TBC1D22A: variants seen among roughly 807,000 people sequenced by gnomAD.
The protein encoded by TBC1D22A is TBC1 domain family member 22A.
A neutral mutation model predicts 60.2 loss-of-function variants in TBC1D22A; 38 were observed. That is an observed-to-expected ratio of 0.63 (90% CI 0.49 to 0.83). TBC1D22A has a LOEUF of 0.83. TBC1D22A is among the 40% of genes least tolerant of loss of function. The pLI is 0.00. For synonymous variants in TBC1D22A, 302 were observed against 281.7 expected (o/e 1.07, Z -0.72); for missense variants, 628 against 701.0 (o/e 0.90, Z 1.18).
intron 7 of TBC1D22A, among the ~76,000 whole-genome samples, chr22:46,904,326 T>G (rs1401429302): frequency 8.1e-6 from 1 of 122,778 alleles, no homozygotes; most frequent in Non-Finnish European, 1.5e-5. Flanking sequence ...TATAACAGGC[T>G]TTCAGTGATG....
In TBC1D22A at chr22:46,869,390, C is replaced by A. The variant is rs192175419; in HGVS notation, c.638-9263C>A. ...TCTTCTTGTTATTTGACAGTGAGCC[C>A]CTTGAGGGAAGGAACTGGGTTTAAT... On this transcript the variant is annotated intron_variant, in intron 4 of 12. Coordinates refer to ENST00000337137, the MANE Select transcript of TBC1D22A (RefSeq NM_014346.5). Among the ~76,000 whole-genome samples the A allele has an allele frequency of 2.8e-3, 433 of 152,290 alleles. 5 individuals carry two copies. The highest frequency in any genetic ancestry group is 0.01 in the African/African-American group (418 of 41,550).
intron 8 of TBC1D22A, among the ~76,000 whole-genome samples, chr22:46,966,209 C>A (rs1602704435): frequency 6.6e-6 from 1 of 152,314 alleles, no homozygotes; most frequent in East Asian, 1.9e-4. Context: ...GGTTGGAATG[C>A]CAGTGGCCCT....
At chr22:47,169,502 G>A (rs1182196962) in intron 12 of TBC1D22A, among the ~76,000 whole-genome samples, 1 of 152,130 alleles carries the variant, frequency 6.6e-6, no homozygotes, top group Non-Finnish European at 1.5e-5. Context: ...CCTGAGAACC[G>A]TCAACCTCCA....
At chr22:46,781,468 G>A (rs569573551) in intron 1 of TBC1D22A, among the ~76,000 whole-genome samples, 1 of 152,250 alleles carries the variant, frequency 6.6e-6, no homozygotes, top group South Asian at 2.1e-4. Flanking sequence ...GAGCCACCAC[G>A]CCCAACCCCA....
intron 4 of TBC1D22A, among the ~76,000 whole-genome samples, chr22:46,872,255 G>A (rs2067323982): frequency 6.6e-6 from 1 of 152,180 alleles, no homozygotes; most frequent in Non-Finnish European, 1.5e-5. Flanking sequence ...AGAAATAATA[G>A]CAATCTTCCA....
At chr22:46,917,650 G>A (rs933368054) in intron 8 of TBC1D22A, among the ~76,000 whole-genome samples, 11 of 152,138 alleles carry the variant, frequency 7.2e-5, no homozygotes, top group Admixed American at 5.9e-4. Context: ...GTTGGGATCC[G>A]GGCCTTGGCA....
chr22:46,942,766 C>G (rs1459607511), intron 8 of TBC1D22A, among the ~76,000 whole-genome samples: 1 of 152,158 alleles, frequency 6.6e-6, no homozygotes, highest in Non-Finnish European at 1.5e-5. Context: ...TATTACTTTG[C>G]TGTTCTAAAT....
chr22:47,128,991 C>T (rs2066591387), intron 12 of TBC1D22A, among the ~76,000 whole-genome samples: 1 of 152,144 alleles, frequency 6.6e-6, no homozygotes, highest in Non-Finnish European at 1.5e-5. Context: ...TAGCCGGGTG[C>T]ATGTCTACGA....
At chr22:47,146,991 T>C (rs1260916384) in intron 12 of TBC1D22A, among the ~76,000 whole-genome samples, 1 of 152,160 alleles carries the variant, frequency 6.6e-6, no homozygotes, top group Non-Finnish European at 1.5e-5. Context: ...GGCAGTTACA[T>C]GGAGATTGCA....
chr22:46,846,038 C>G (rs2086975858), intron 4 of TBC1D22A, among the ~76,000 whole-genome samples: 2 of 152,172 alleles, frequency 1.3e-5, no homozygotes, highest in Non-Finnish European at 2.9e-5. Context: ...AGATGAGATG[C>G]TTTTTAGACA....
At chr22:46,894,660 C>A in intron 6 of TBC1D22A, 124 bp from the exon 7 acceptor site, 2 of 1,151,466 alleles carry the variant, frequency 1.7e-6, no homozygotes, top group Non-Finnish European at 1.3e-6. Flanking sequence ...AACGAGAATC[C>A]TCAAGGAGAG....
At chr22:46,892,901 G>A (rs1003330424) in intron 6 of TBC1D22A, among the ~76,000 whole-genome samples, 58 of 152,372 alleles carry the variant, frequency 3.8e-4, no homozygotes, top group African/African-American at 1.4e-3. Flanking sequence ...AGACACGCCT[G>A]TGGCAACGCG....
intron 12 of TBC1D22A, among the ~76,000 whole-genome samples, chr22:47,169,812 A>G (rs2068360638): frequency 6.6e-6 from 1 of 152,208 alleles, no homozygotes; most frequent in Non-Finnish European, 1.5e-5. Context: ...AGATGTGGCC[A>G]TTAATTGTTT....
At chr22:46,811,225 C>A (rs2085364002) in intron 4 of TBC1D22A, among the ~76,000 whole-genome samples, 1 of 152,134 alleles carries the variant, frequency 6.6e-6, no homozygotes, top group South Asian at 2.1e-4. Context: ...TCAGGAAGAC[C>A]CATTGCATGG....
At chr22:47,079,772 C>T (rs980717937) in intron 11 of TBC1D22A, among the ~76,000 whole-genome samples, 3 of 152,154 alleles carry the variant, frequency 2.0e-5, no homozygotes, top group African/African-American at 7.2e-5. Flanking sequence ...AGTAGACTTA[C>T]ACTTAATCAT....
chr22:46,998,120 T>G (rs1741515613), intron 10 of TBC1D22A, among the ~76,000 whole-genome samples: 1 of 152,182 alleles, frequency 6.6e-6, no homozygotes, highest in South Asian at 2.1e-4. Context: ...AGTCTGGAAA[T>G]AACATCTTTA....
chr22:47,137,235 A>G (rs935100372), intron 12 of TBC1D22A, among the ~76,000 whole-genome samples: 4 of 152,156 alleles, frequency 2.6e-5, no homozygotes, highest in Admixed American at 2.6e-4. Context: ...GTTTTTTGAG[A>G]TAAAGCACAC....
At chr22:46,876,852 CT>C (rs547696825) in intron 4 of TBC1D22A, among the ~76,000 whole-genome samples, 71 of 152,342 alleles carry the variant, frequency 4.7e-4, no homozygotes, top group African/African-American at 1.5e-3. Flanking sequence ...AGCTGGGATT[CT>C]GCTAGAAAGA....
intron 4 of TBC1D22A, among the ~76,000 whole-genome samples, chr22:46,841,356 G>A (rs2086763113): frequency 1.3e-5 from 2 of 152,216 alleles, no homozygotes. Flanking sequence ...CACAGCAAGA[G>A]GGCCGTTGTC....
Sources: gnomAD v4.1 joint callset for allele counts (sites outside exome capture counted in the v4.1 genomes callset) on GRCh38, gnomAD v4.1.1 for gene constraint, MANE v1.5 for transcripts, NCBI Gene and HGNC (gene_info 2026-07-23, HGNC 2026-07-21) for gene names.